Variants in PCDHA12 observed in about 807,000 individuals in gnomAD.
PCDHA12 encodes protocadherin alpha-12.
A neutral mutation model predicts 60.0 loss-of-function variants in PCDHA12; 44 were observed. That is an observed-to-expected ratio of 0.73 (90% CI 0.58 to 0.94). PCDHA12 has a LOEUF of 0.94. Among genes scored for constraint, PCDHA12 ranks in the 40% least tolerant of loss-of-function variants. PCDHA12 has a pLI of 0.00. For missense variants in PCDHA12, 1,276 were observed against 1,239.7 expected (o/e 1.03, Z -0.44); for synonymous variants, 569 against 553.0 (o/e 1.03, Z -0.40).
intron 1 of PCDHA12, chr5:140,967,880 A>G (rs782459653): frequency 4.3e-6 from 7 of 1,614,060 alleles, no homozygotes; most frequent in Non-Finnish European, 2.5e-6. Context: ...GGACCTGTAT[A>G]GCCCAGTGCC....
At position 140,950,434 on chromosome 5, in the gene PCDHA12, A is replaced by G. The variant is rs554490421; in HGVS notation, c.2368-28515A>G. Among the ~76,000 whole-genome samples, 4 of 152,176 alleles carry G rather than the reference A, an allele frequency of 2.6e-5. No homozygotes were observed. The South Asian group carries it at 8.3e-4, about 32-fold the overall frequency. On this transcript the variant is annotated intron_variant, in intron 1 of 3. Transcript: ENST00000398631. ...AGATTTTATTTTCTTCCACTTAAAA[A>G]AAATGTTATTCTACTGTCTTCTAAT...
chr5:140,959,055 C>A (rs2095463398), intron 1 of PCDHA12, among the ~76,000 whole-genome samples: 1 of 151,914 alleles, frequency 6.6e-6, no homozygotes, highest in African/African-American at 2.4e-5. Flanking sequence ...GGAAAAAATG[C>A]AGTATATATA....
intron 1 of PCDHA12, among the ~76,000 whole-genome samples, chr5:140,891,620 C>T (rs1194351903): frequency 6.6e-6 from 1 of 152,122 alleles, no homozygotes; most frequent in African/African-American, 2.4e-5. Flanking sequence ...TTTATTTTAA[C>T]ACCTTTTGCT....
intron 1 of PCDHA12, among the ~76,000 whole-genome samples, chr5:140,953,598 T>C (rs1189793307): frequency 2.6e-5 from 4 of 152,188 alleles, no homozygotes; most frequent in South Asian, 2.1e-4. Context: ...CTTTTGTTTA[T>C]TCCCCAGAGT....
At position 140,875,356 on chromosome 5, in the gene PCDHA12, G is replaced by C. The variant is rs2055432006; in HGVS notation, c.-117G>C. On this transcript the variant is annotated 5_prime_UTR_variant, in exon 1 of 4. An upstream start codon of the reference 5' UTR is lost. Coordinates refer to ENST00000398631, the MANE Select transcript of PCDHA12 (RefSeq NM_018903.4). ...GGATCGACTCCATAATGACTGTGAT[G>C]CTGGAAAAAATTTACTAAATATGTA... The C allele has an allele frequency of 3.5e-6, 5 of 1,446,352 alleles. No individual in the cohort carries two copies. The highest frequency in any genetic ancestry group is 5.7e-5 in the Admixed American group (2 of 35,074). 89.6% of individuals were successfully genotyped at this position (1,446,352 alleles called of 1,614,324 possible).
intron 1 of PCDHA12, among the ~76,000 whole-genome samples, chr5:140,907,747 G>A (rs782672220): frequency 7.9e-5 from 12 of 152,172 alleles, no homozygotes; most frequent in Admixed American, 2.0e-4. Flanking sequence ...TGGCCACTTT[G>A]TTCATGGGCC....
At chr5:140,884,810 G>A in intron 1 of PCDHA12, 1 of 1,150,538 alleles carries the variant, frequency 8.7e-7, no homozygotes, top group Non-Finnish European at 1.2e-6. Context: ...CAACTCTGCT[G>A]TGGACATTAT....
At chr5:140,905,380 T>G (rs1226315920) in intron 1 of PCDHA12, among the ~76,000 whole-genome samples, 1 of 152,216 alleles carries the variant, frequency 6.6e-6, no homozygotes, top group African/African-American at 2.4e-5. Context: ...TCTGTTCTGT[T>G]TCATAGGTCT....
chr5:140,877,122 G>C lies in PCDHA12; in HGVS notation c.1650G>C (p.Thr550=). ...AGVPPLGSNV[T]LQVFVLDEND... ...TGCCGCCTCTGGGCAGCAACGTGAC[G>C]CTGCAGGTGTTCGTGCTGGACGAGA... The change falls in exon 1 of 4, where the codon ACG becomes ACC. Residue 550 remains threonine (T), a synonymous_variant. Coordinates refer to ENST00000398631, the MANE Select transcript of PCDHA12 (RefSeq NM_018903.4). 4 of 1,613,718 alleles carry C rather than the reference G, an allele frequency of 2.5e-6. No homozygotes were observed. Among genetic ancestry groups the C allele is most frequent in the Non-Finnish European group, 3.4e-6 (4 of 1,179,856 alleles).
At chr5:140,897,009 A>G (rs550757061) in intron 1 of PCDHA12, among the ~76,000 whole-genome samples, 6 of 152,292 alleles carry the variant, frequency 3.9e-5, no homozygotes, top group African/African-American at 9.6e-5. Context: ...ATTTTTAAAT[A>G]TACAACTAAA....
intron 1 of PCDHA12, chr5:140,966,770 G>C: frequency 2.0e-6 from 3 of 1,500,088 alleles, no homozygotes; most frequent in Non-Finnish European, 2.7e-6. Flanking sequence ...AGTGGCTATG[G>C]AGCAGGCGGG....
chr5:140,910,858 T>C (rs947258615), intron 1 of PCDHA12, among the ~76,000 whole-genome samples: 3 of 152,190 alleles, frequency 2.0e-5, no homozygotes, highest in Non-Finnish European at 4.4e-5. Context: ...CTATGTTCCA[T>C]CCACCATTAT....
At chr5:140,980,856 G>A (rs559833499) in intron 2 of PCDHA12, among the ~76,000 whole-genome samples, 2 of 152,004 alleles carry the variant, frequency 1.3e-5, no homozygotes, top group African/African-American at 2.4e-5. Context: ...AATCTTTTTC[G>A]TATGTGTGCT....
At chr5:140,902,324 C>A (rs1554190388) in intron 1 of PCDHA12, among the ~76,000 whole-genome samples, 1 of 151,472 alleles carries the variant, frequency 6.6e-6, no homozygotes, top group Non-Finnish European at 1.5e-5. Context: ...AGGTGTAACT[C>A]ACTTCGCCTG....
chr5:140,897,052 C>G (rs2065858358), intron 1 of PCDHA12, among the ~76,000 whole-genome samples: 1 of 152,114 alleles, frequency 6.6e-6, no homozygotes, highest in Non-Finnish European at 1.5e-5. Context: ...ATTCTGCTGT[C>G]AAATACTATG....
At chr5:140,957,919 A>G (rs1477103013) in intron 1 of PCDHA12, among the ~76,000 whole-genome samples, 1 of 152,158 alleles carries the variant, frequency 6.6e-6, no homozygotes, top group Non-Finnish European at 1.5e-5. Flanking sequence ...TTATCTATGT[A>G]TCAAGCTAAA....
chr5:140,928,736 T>C, intron 1 of PCDHA12: 1 of 1,614,174 alleles, frequency 6.2e-7, no homozygotes, highest in Non-Finnish European at 8.5e-7. Flanking sequence ...TCAGCCAATA[T>C]AGGTGAGCTC....
chr5:140,946,165 G>C (rs1554217364), intron 1 of PCDHA12, among the ~76,000 whole-genome samples: 1 of 151,838 alleles, frequency 6.6e-6, no homozygotes, highest in Non-Finnish European at 1.5e-5. Context: ...TTAAAAGATG[G>C]GTAAAGGATG....
chr5:140,907,648 G>T (rs2153502267), intron 1 of PCDHA12, among the ~76,000 whole-genome samples: 1 of 152,312 alleles, frequency 6.6e-6, no homozygotes, highest in East Asian at 1.9e-4. Flanking sequence ...TGGCAAATTG[G>T]GCACTCAGCA....
Sources: allele counts gnomAD v4.1 joint callset (sites outside exome capture counted in the v4.1 genomes callset), GRCh38; gene constraint gnomAD v4.1.1; transcripts MANE v1.5; gene names NCBI Gene and HGNC (gene_info 2026-07-23, HGNC 2026-07-21).